Variants in FBXW11 observed in about 807,000 individuals in gnomAD.
FBXW11 encodes the protein F-box and WD repeat domain containing 11.
In FBXW11, 19 loss-of-function variants were observed where a neutral mutation model predicts 77.6. The ratio of observed to expected loss-of-function variants is 0.24; its 90% CI spans 0.17 to 0.36. FBXW11 has a LOEUF of 0.36. FBXW11 is among the 10% of genes least tolerant of loss of function. The probability of loss-of-function intolerance (pLI) is 1.00; values close to 1 mark genes in which losing one functional copy is unlikely to be tolerated. For synonymous variants in FBXW11, 235 were observed against 249.4 expected, an observed-to-expected ratio of 0.94 and a Z score of 0.54; for missense variants, 334 against 704.2, an observed-to-expected ratio of 0.47 and a Z score of 5.95.
At chr5:171,891,410 G>A in intron 7 of FBXW11, 57 bp downstream of exon 7, 1 of 1,464,352 alleles carries the variant, frequency 6.8e-7, no homozygotes, top group Non-Finnish European at 9.2e-7. Context: ...GTCACATCTA[G>A]TGTCTAACAC....
At chr5:171,993,483 C>T (rs1407224970) in intron 1 of FBXW11, among the ~76,000 whole-genome samples, 3 of 151,898 alleles carry the variant, frequency 2.0e-5, no homozygotes, top group Non-Finnish European at 4.4e-5. Context: ...TGTGGTGATG[C>T]GTGCCTGTAG....
At chr5:171,929,919 C>T (rs1762082840) in intron 2 of FBXW11, among the ~76,000 whole-genome samples, 1 of 151,984 alleles carries the variant, frequency 6.6e-6, no homozygotes, top group South Asian at 2.1e-4. Context: ...TCACAGGACA[C>T]AAAGACTGAC....
At chr5:171,891,831 T>A (rs546974409) in intron 6 of FBXW11, among the ~76,000 whole-genome samples, 1 of 152,238 alleles carries the variant, frequency 6.6e-6, no homozygotes, top group South Asian at 2.1e-4. Context: ...GGATTTCCAA[T>A]GAGTTTTGGA....
chr5:171,878,553 A>AGTGTGTGTGT (rs34933781), intron 7 of FBXW11, among the ~76,000 whole-genome samples: 1,180 of 105,444 alleles, frequency 0.011, 46 homozygotes, highest in African/African-American at 0.04. Context: ...TCTCCATAAG[A>AGTGTGTGTGT]GTGTGTGAGT....
At chr5:171,967,855 C>CATATATATATAT (rs375683631) in intron 1 of FBXW11, among the ~76,000 whole-genome samples, 21 of 118,510 alleles carry the variant, frequency 1.8e-4, no homozygotes, top group African/African-American at 6.9e-4. Flanking sequence ...AAAAAAAATG[C>CATATATATATAT]ATATATATAT....
chr5:171,870,712 G>T lies in FBXW11; in HGVS notation c.1451+36C>A, dbSNP rs185771463. 314 of 1,430,408 alleles carry T rather than the reference G, an allele frequency of 2.2e-4. 1 individual carries two copies. In the African/African-American group the frequency reaches 4.0e-3, roughly 18 times the overall value. 88.6% of individuals were successfully genotyped at this position (1,430,408 alleles called of 1,614,324 possible). On this transcript the variant is annotated intron_variant, in intron 11 of 13. Coordinates refer to ENST00000517395, the MANE Select transcript of FBXW11 (RefSeq NM_001378974.1). ...AACATTTCTCTTTCTTCTTGATACA[G>T]TTATAGCAGTACATCTGAAAATCTG...
chr5:171,900,559 A>G (rs1345214305), intron 4 of FBXW11, among the ~76,000 whole-genome samples: 1 of 152,148 alleles, frequency 6.6e-6, no homozygotes, highest in African/African-American at 2.4e-5. Flanking sequence ...ACTGTCTCTC[A>G]TAACAAATCA....
intron 1 of FBXW11, among the ~76,000 whole-genome samples, chr5:171,961,879 T>C (rs1364041314): frequency 6.6e-6 from 1 of 152,202 alleles, no homozygotes; most frequent in Non-Finnish European, 1.5e-5. Flanking sequence ...ACTCCTGACC[T>C]CAGGTGATCT....
In FBXW11 at chr5:171,917,911, G is replaced by C. The variant is rs150119078; in HGVS notation, c.148-3506C>G. ...ATAATATACTATTATTTTAAAATTA[G>C]GTTAAATTCATTTAATCCAACTTTC... On this transcript the variant is annotated intron_variant, in intron 2 of 13. Transcript: ENST00000517395. Among the ~76,000 whole-genome samples, 9 of 151,858 alleles carry C rather than the reference G, an allele frequency of 5.9e-5. 1 individual carries two copies. Among genetic ancestry groups the C allele is most frequent in the Non-Finnish European group, 1.3e-4 (9 of 67,972 alleles).
At chr5:171,958,170 A>G (rs1763715021) in intron 1 of FBXW11, among the ~76,000 whole-genome samples, 1 of 152,226 alleles carries the variant, frequency 6.6e-6, no homozygotes, top group Non-Finnish European at 1.5e-5. Flanking sequence ...CATTGTAAGG[A>G]AACCGAGGCT....
chr5:171,905,781 G>A (rs1322410697), intron 4 of FBXW11, among the ~76,000 whole-genome samples: 1 of 152,042 alleles, frequency 6.6e-6, no homozygotes, highest in Non-Finnish European at 1.5e-5. Context: ...CATTTGCCTG[G>A]GCTAAAAAGT....
At chr5:171,901,915 T>TA (rs1310583992) in intron 4 of FBXW11, among the ~76,000 whole-genome samples, 1 of 152,214 alleles carries the variant, frequency 6.6e-6, no homozygotes, top group East Asian at 1.9e-4. Context: ...CATGATGGGC[T>TA]AAAGTACTAA....
In FBXW11 at chr5:171,869,258, CAAG is replaced by C. The variant is rs1223091628; in HGVS notation, c.1531-465_1531-463del. 6.6e-6 allele frequency among the ~76,000 whole-genome samples: 1 copy of C among 152,116 alleles called. No homozygotes were observed. Among genetic ancestry groups the C allele is most frequent in the Non-Finnish European group, 1.5e-5 (1 of 68,012 alleles). On this transcript the variant is annotated intron_variant, in intron 12 of 13. Coordinates refer to ENST00000517395, the MANE Select transcript of FBXW11 (RefSeq NM_001378974.1). This position sits in a 1 kb window ranked among gnomAD's most constrained non-coding sequence, Gnocchi z 4.1. The stretch of plus-strand genomic sequence containing the variant: ...ACAGTTCTGCATCTTCTAGTAAATG[CAAG>C]AAGTGAAGAAACAGAAATAAAACTA...
intron 7 of FBXW11, among the ~76,000 whole-genome samples, chr5:171,884,471 G>T (rs1231789096): frequency 6.6e-6 from 1 of 152,166 alleles, no homozygotes; most frequent in Non-Finnish European, 1.5e-5. Context: ...AAATCAGGTA[G>T]TGTGATGCCT....
At chr5:171,963,707 T>C (rs1764032724) in intron 1 of FBXW11, among the ~76,000 whole-genome samples, 5 of 152,236 alleles carry the variant, frequency 3.3e-5, no homozygotes, top group East Asian at 1.9e-4. Context: ...TGGAGGTTTT[T>C]AGATTAAGAG....
rs148109014 is a variant in FBXW11, at chr5:171,924,772, C to G, written c.148-10367G>C. ...TGGGCTGAAACACGTCCCACCCCCC[C>G]ACCCCCGCTGATTGGTAGTGCTGCA... On this transcript the variant is annotated intron_variant, in intron 2 of 13. Transcript: ENST00000517395. Among the ~76,000 whole-genome samples the G allele has an allele frequency of 3.7e-3, 521 of 139,826 alleles. 1 individual carries two copies. The highest frequency in any genetic ancestry group is 4.7e-3 in the Non-Finnish European group (303 of 64,094). 91.7% of individuals were successfully genotyped at this position (139,826 alleles called of 152,430 possible).
chr5:171,922,292 G>C (rs542789292), intron 2 of FBXW11, among the ~76,000 whole-genome samples: 1 of 152,024 alleles, frequency 6.6e-6, no homozygotes, highest in South Asian at 2.1e-4. Flanking sequence ...AATATATTCC[G>C]CCAATTATTA....
rs149359755 is a variant in FBXW11 at position 171,957,643 on chromosome 5, C to A, written c.101G>T (p.Cys34Phe). ...CATGCTCTGCAGGCAACTCAGTGCG[C>A]ACATGCTCTCTACCAGGTTGGCGCA... ...LGCANLVESM[C>F]ALSCLQSMPS... Residue 34 changes from cysteine to phenylalanine, a missense_variant, in exon 2 of 14, where the codon TGC becomes TTC. Cys to Phe is a radical substitution (Grantham distance 205). Coordinates refer to ENST00000517395, the MANE Select transcript of FBXW11 (RefSeq NM_001378974.1). 6.2e-7 allele frequency: 1 copy of A among 1,614,176 alleles called. No homozygotes were observed. Among genetic ancestry groups the A allele is most frequent in the African/African-American group, 1.3e-5 (1 of 75,046 alleles).
intron 1 of FBXW11, among the ~76,000 whole-genome samples, chr5:171,971,086 C>T (rs1764503430): frequency 6.6e-6 from 1 of 152,198 alleles, no homozygotes; most frequent in Non-Finnish European, 1.5e-5. Context: ...ACCTTACAGA[C>T]TTTATAGACC....
Sources: gnomAD v4.1 joint callset for allele counts (sites outside exome capture counted in the v4.1 genomes callset) on GRCh38, gnomAD v4.1.1 for gene constraint, Gnocchi (gnomAD v3.1) non-coding constraint, MANE v1.5 for transcripts, NCBI Gene and HGNC (gene_info 2026-07-23, HGNC 2026-07-21) for gene names.